SLC5A7: variants seen among roughly 807,000 people sequenced by gnomAD.
SLC5A7 encodes solute carrier family 5 member 7.
In SLC5A7, 19 loss-of-function variants were observed where a neutral mutation model predicts 55.4. The ratio of observed to expected loss-of-function variants is 0.34; its 90% CI spans 0.24 to 0.50. The LOEUF (loss-of-function observed/expected upper bound fraction) is 0.50. Among genes scored for constraint, SLC5A7 ranks in the 20% least tolerant of loss-of-function variants. The probability of loss-of-function intolerance (pLI) is 0.98; values close to 1 mark genes in which losing one functional copy is unlikely to be tolerated. For synonymous variants in SLC5A7, 265 were observed against 263.7 expected (o/e 1.00, Z -0.05); for missense variants, 506 against 705.3 (o/e 0.72, Z 3.20).
intron 4 of SLC5A7, among the ~76,000 whole-genome samples, chr2:107,996,210 T>C (rs1677663701): frequency 6.6e-6 from 1 of 152,182 alleles, no homozygotes; most frequent in South Asian, 2.1e-4. Flanking sequence ...AAGTTTCGAT[T>C]CGAAGTAAAT....
chr2:107,997,360 G>C (rs1450335026), intron 4 of SLC5A7, among the ~76,000 whole-genome samples: 1 of 152,160 alleles, frequency 6.6e-6, no homozygotes, highest in Non-Finnish European at 1.5e-5. Flanking sequence ...ATACCATGTA[G>C]CCTAGGTGTG....
At chr2:107,989,974 G>A (rs191656247) in intron 2 of SLC5A7, among the ~76,000 whole-genome samples, 56 of 151,856 alleles carry the variant, frequency 3.7e-4, no homozygotes, top group Non-Finnish European at 5.0e-4. Context: ...TCCTCAGTTC[G>A]TAAAACTTTT....
rs1678309621 is a variant in SLC5A7 at position 108,011,047 on chromosome 2, A to G, written c.*186A>G. 2.0e-6 allele frequency: 1 copy of G among 509,350 alleles called. No individual in the cohort carries two copies. The highest frequency in any genetic ancestry group is 3.2e-6 in the Non-Finnish European group (1 of 314,574). The allele number at this position is 509,350 out of a possible 1,614,324, so 31.6% of individuals were successfully genotyped here. ...GAAGGAAGCACCTATGAAAGCAACA[A>G]CTTTGTTTCTCATCCATAGTAGTAT... On this transcript the variant is annotated 3_prime_UTR_variant, in exon 9 of 9. Coordinates refer to ENST00000264047, the MANE Select transcript of SLC5A7 (RefSeq NM_021815.5).
intron 8 of SLC5A7, 78 bp from the exon 9 acceptor site, chr2:108,010,154 C>G: frequency 6.6e-7 from 1 of 1,520,844 alleles, no homozygotes. Context: ...AGTTTTGAAG[C>G]AAAAAATATG....
chr2:107,987,515 GTTGAAAATGTGGAGT>G (rs928365391), intron 1 of SLC5A7, among the ~76,000 whole-genome samples: 172 of 152,256 alleles, frequency 1.1e-3, no homozygotes, highest in African/African-American at 4.0e-3. Flanking sequence ...ACAGAAGCTT[GTTGAAAATGTGGAGT>G]TTGATGTGTT....
At chr2:108,006,826 C>T (rs912549565) in intron 7 of SLC5A7, among the ~76,000 whole-genome samples, 2 of 152,160 alleles carry the variant, frequency 1.3e-5, no homozygotes, top group African/African-American at 4.8e-5. Context: ...ACCTGTCATC[C>T]TCATGACCTC....
At chr2:107,995,989 A>G (rs934661440) in intron 4 of SLC5A7, among the ~76,000 whole-genome samples, 11 of 152,158 alleles carry the variant, frequency 7.2e-5, no homozygotes, top group Admixed American at 2.0e-4. Flanking sequence ...CTCAATTTTA[A>G]TAGTGATAAT....
At chr2:108,008,035 G>C (rs1007146044) in intron 7 of SLC5A7, among the ~76,000 whole-genome samples, 4 of 152,190 alleles carry the variant, frequency 2.6e-5, no homozygotes, top group African/African-American at 9.6e-5. Flanking sequence ...TATGTACAGA[G>C]AGATGATGGC....
intron 4 of SLC5A7, 133 bp from the exon 5 acceptor site, chr2:107,997,705 G>A: frequency 3.8e-6 from 3 of 789,594 alleles, no homozygotes; most frequent in Non-Finnish European, 5.6e-6. Context: ...ATTAACTTTA[G>A]GTGTTTTCAT....
chr2:107,997,978 G>T lies in SLC5A7; in HGVS notation c.589G>T (p.Val197Leu). ...TGTCGTTCAGCTCTTTTGCATTTTTGTAGGGCTGGTAAGTGGGAGCACCCA... is the reference window on the plus strand; with the variant it reads ...TGTCGTTCAGCTCTTTTGCATTTTTTTAGGGCTGGTAAGTGGGAGCACCCA... ...TDVVQLFCIFVGLWISVPFAL... is the reference protein window; with the variant it reads ...TDVVQLFCIFLGLWISVPFAL... The change falls in exon 5 of 9, where the codon GTA becomes TTA. Residue 197 changes from valine (V) to leucine (L), a missense_variant. By Grantham distance (32) the Val-to-Leu change is conservative. Around this residue, in one of 4 missense-constraint regions of SLC5A7, gnomAD observed 309 missense variants for 478.6 expected, o/e 0.65. Transcript: ENST00000264047. 6.2e-7 allele frequency: 1 copy of T among 1,611,324 alleles called. No individual in the cohort carries two copies.
chr2:108,003,504 G>C (rs1242873629), intron 6 of SLC5A7, among the ~76,000 whole-genome samples: 1 of 152,176 alleles, frequency 6.6e-6, no homozygotes, highest in Non-Finnish European at 1.5e-5. Context: ...ATAAATGAAT[G>C]AACTATAGAA....
At chr2:107,993,261 TA>T in intron 4 of SLC5A7, 134 bp downstream of exon 4, 1 of 913,340 alleles carries the variant, frequency 1.1e-6, no homozygotes, top group Non-Finnish European at 1.6e-6. Context: ...TTTATATGCA[TA>T]AAAGCTTAAT....
intron 2 of SLC5A7, 97 bp downstream of exon 2, chr2:107,988,430 C>G: frequency 9.1e-7 from 1 of 1,099,734 alleles, no homozygotes; most frequent in Non-Finnish European, 1.3e-6. Flanking sequence ...AAATGTTGGT[C>G]TTTGTCCTTT....
At chr2:107,995,464 A>AGTGTGTGT (rs1351455221) in intron 4 of SLC5A7, among the ~76,000 whole-genome samples, 33 of 129,028 alleles carry the variant, frequency 2.6e-4, no homozygotes, top group African/African-American at 5.6e-4. Context: ...AGAGAGAGAG[A>AGTGTGTGT]GAGAGAGTGT....
intron 7 of SLC5A7, among the ~76,000 whole-genome samples, chr2:108,008,027 T>C (rs1213916489): frequency 6.6e-6 from 1 of 152,200 alleles, no homozygotes; most frequent in Non-Finnish European, 1.5e-5. Flanking sequence ...ACCAAGTTTA[T>C]GTACAGAGAG....
rs1040783517 is a variant in SLC5A7 at position 107,990,512 on chromosome 2, G to GAA, written c.179-1585_179-1584dup. Reference sequence around the variant, plus strand: ...TTCAGCTCATGGTTACACACACAGTGAAAAAAAAAAGCCATTTTAAAAATT... The same window carrying GAA: ...TTCAGCTCATGGTTACACACACAGTGAAAAAAAAAAAAGCCATTTTAAAAATT... On this transcript the variant is annotated intron_variant, in intron 2 of 8. Transcript: ENST00000264047. Among the ~76,000 whole-genome samples the GAA allele has an allele frequency of 2.1e-5, 3 of 144,212 alleles. No homozygotes were observed. In the East Asian group the frequency reaches 6.0e-4, roughly 29 times the overall value. The allele number at this position is 144,212 out of a possible 152,430, so 94.6% of individuals were successfully genotyped here. A position where few individuals can be genotyped will look rare whatever the true frequency, so the allele number is the denominator to read the frequency against.
intron 4 of SLC5A7, among the ~76,000 whole-genome samples, chr2:107,995,948 T>G (rs576799409): frequency 6.6e-6 from 1 of 152,114 alleles, no homozygotes; most frequent in Non-Finnish European, 1.5e-5. Context: ...TTGATTTAAT[T>G]TTTCAGAAAA....
intron 8 of SLC5A7, among the ~76,000 whole-genome samples, chr2:108,010,031 C>T (rs2104382225): frequency 6.6e-6 from 1 of 152,236 alleles, no homozygotes; most frequent in Middle Eastern, 3.4e-3. Flanking sequence ...ACACAGAAAC[C>T]CCTCCCAAAG....
rs1049746519 is a variant in SLC5A7, at chr2:108,013,416, C to T, written c.*2555C>T. 1 of 152,040 alleles carries T rather than the reference C, an allele frequency of 6.6e-6. No homozygotes were observed. 9.4% of individuals were successfully genotyped at this position (152,040 alleles called of 1,614,324 possible). On this transcript the variant is annotated 3_prime_UTR_variant, in exon 9 of 9. Transcript: ENST00000264047. ...AAGTTTAAGATTGCAAGGAAGGAAA[C>T]AATGGTCACAAGGTCTTTACTTATG... is the stretch of plus-strand genomic sequence containing the variant.
Sources: gnomAD v4.1 joint callset for allele counts (sites outside exome capture counted in the v4.1 genomes callset) on GRCh38, gnomAD v4.1.1 for gene constraint, gnomAD v4.1.1 regional missense constraint, MANE v1.5 for transcripts, NCBI Gene and HGNC (gene_info 2026-07-23, HGNC 2026-07-21) for gene names.